Variants in NUDT5 observed in about 807,000 individuals in gnomAD.
NUDT5 encodes ADP-sugar pyrophosphatase.
NUDT5 carries 21 observed loss-of-function variants against 34.1 expected under a neutral mutation model. The ratio of observed to expected loss-of-function variants is 0.62; its 90% CI spans 0.44 to 0.89. The LOEUF (loss-of-function observed/expected upper bound fraction) is 0.89, where lower values mean the gene tolerates loss of function less well. Among genes scored for constraint, NUDT5 ranks in the 40% least tolerant of loss-of-function variants. The pLI, the probability that NUDT5 is intolerant of heterozygous loss-of-function variation, is 0.00. For missense variants in NUDT5, 249 were observed against 274.8 expected (o/e 0.91, Z 0.66); for synonymous variants, 85 against 97.6 (o/e 0.87, Z 0.76).
chr10:12,167,203 A>AGTTGAAT lies in NUDT5; in HGVS notation c.*498_*499insATTCAAC, dbSNP rs1834721455. 1 of 159,574 alleles carries AGTTGAAT rather than the reference A, an allele frequency of 6.3e-6. No individual in the cohort carries two copies. The highest frequency in any genetic ancestry group is 6.0e-5 in the Admixed American group (1 of 16,800). 9.9% of individuals were successfully genotyped at this position (159,574 alleles called of 1,614,324 possible). On this transcript the variant is annotated 3_prime_UTR_variant, in exon 10 of 10. Coordinates refer to ENST00000491614, the MANE Select transcript of NUDT5 (RefSeq NM_014142.4). The stretch of plus-strand genomic sequence containing the variant: ...AACCCTACCCTAGTTGGATTCAACT[A>AGTTGAAT]CCCTAGATAAATTTTGCATAGTAAA...
chr10:12,178,786 C>G (rs1588658360), intron 4 of NUDT5, among the ~76,000 whole-genome samples: 1 of 152,192 alleles, frequency 6.6e-6, no homozygotes, highest in African/African-American at 2.4e-5. Flanking sequence ...GACACAAGGA[C>G]TTCTAGAAGT....
In NUDT5 at chr10:12,187,446, T is replaced by C. The variant is rs1451520570; in HGVS notation, c.-41-1114A>G. ...AAGAGCAGGCCCTTATCCCATTTAT[T>C]GTATATTATTATTTCCTCTTTCTTT... On this transcript the variant is annotated intron_variant, in intron 1 of 9. Transcript: ENST00000491614. This position sits in a 1 kb window ranked among gnomAD's most constrained non-coding sequence, Gnocchi z 5.4. Among the ~76,000 whole-genome samples the C allele has an allele frequency of 6.6e-6, 1 of 152,224 alleles. No individual in the cohort carries two copies. Among genetic ancestry groups the C allele is most frequent in the Non-Finnish European group, 1.5e-5 (1 of 68,040 alleles).
In NUDT5 at chr10:12,173,958, T is replaced by G. The variant is rs897367114; in HGVS notation, c.290-145A>C. 2 of 634,324 alleles carry G rather than the reference T, an allele frequency of 3.2e-6. No homozygotes were observed. The highest frequency in any genetic ancestry group is 5.7e-6 in the Non-Finnish European group (2 of 352,162). The allele number at this position is 634,324 out of a possible 1,614,324, so 39.3% of individuals were successfully genotyped here. On this transcript the variant is annotated intron_variant, in intron 5 of 9. Transcript: ENST00000491614. This position sits in a 1 kb window ranked among gnomAD's most constrained non-coding sequence, Gnocchi z 4.7. ...CTCGGCCCACTGCAACCTCCGCCCGTCCAGGTTTAAGCAATTCTCTGCTTC... is the reference window on the plus strand; with the variant it reads ...CTCGGCCCACTGCAACCTCCGCCCGGCCAGGTTTAAGCAATTCTCTGCTTC...
Position 12,169,736 on chromosome 10 carries a change from T to A in NUDT5, c.550+981A>T, listed in dbSNP as rs1046689533. Reference sequence around the variant, plus strand: ...TCACAGCAGCCTTTGAAAGACACATTCAGATTTTCAAACAAACAACAGACA... The same window carrying A: ...TCACAGCAGCCTTTGAAAGACACATACAGATTTTCAAACAAACAACAGACA... On this transcript the variant is annotated intron_variant, in intron 9 of 9. Coordinates refer to ENST00000491614, the MANE Select transcript of NUDT5 (RefSeq NM_014142.4). The surrounding 1 kb of genome is among the most constrained non-coding windows in gnomAD (Gnocchi z 4.8). The A allele has an allele frequency of 2.2e-5, 5 of 223,126 alleles. No homozygotes were observed. The South Asian group carries it at 4.1e-4, about 18-fold the overall frequency. 13.8% of individuals were successfully genotyped at this position (223,126 alleles called of 1,614,324 possible). A position where few individuals can be genotyped will look rare whatever the true frequency, so the allele number is the denominator to read the frequency against.
intron 1 of NUDT5, among the ~76,000 whole-genome samples, chr10:12,186,917 G>A (rs1357041377): frequency 3.3e-5 from 5 of 152,000 alleles, no homozygotes; most frequent in Admixed American, 6.6e-5. Context: ...GTGAGCTACC[G>A]CGCCCAGCCT....
rs1835329937 is a variant in NUDT5, at chr10:12,195,810, C to G, written c.-82G>C. 1 of 220,386 alleles carries G rather than the reference C, an allele frequency of 4.5e-6. No individual in the cohort carries two copies. Among genetic ancestry groups the G allele is most frequent in the Admixed American group, 5.3e-5 (1 of 18,902 alleles). The allele number at this position is 220,386 out of a possible 1,614,324, so 13.7% of individuals were successfully genotyped here. A position where few individuals can be genotyped will look rare whatever the true frequency, so the allele number is the denominator to read the frequency against. The stretch of plus-strand genomic sequence containing the variant: ...TGAAGAACGGAAGAGGACGAAATAA[C>G]TAGCTGGAGGCAGCAGTGTCAGCCG... On this transcript the variant is annotated 5_prime_UTR_variant, in exon 1 of 10. Coordinates refer to ENST00000491614, the MANE Select transcript of NUDT5 (RefSeq NM_014142.4).
rs181432704 is a variant in NUDT5, at chr10:12,175,489, T to C, written c.290-1676A>G. On this transcript the variant is annotated intron_variant, in intron 5 of 9. Transcript: ENST00000491614. This position sits in a 1 kb window ranked among gnomAD's most constrained non-coding sequence, Gnocchi z 4.8. ...AGCAAAACCCCATCTCTACAAAAAA[T>C]TTAAAAATCGAATGCGGTGATGCAC... 4.1e-5 allele frequency among the ~76,000 whole-genome samples: 6 copies of C among 145,176 alleles called. No homozygotes were observed. Among genetic ancestry groups the C allele is most frequent in the Admixed American group, 3.4e-4 (5 of 14,670 alleles).
intron 1 of NUDT5, among the ~76,000 whole-genome samples, chr10:12,188,657 G>A (rs1344739115): frequency 6.6e-6 from 1 of 150,654 alleles, no homozygotes; most frequent in Non-Finnish European, 1.5e-5. Context: ...CTTGAACCCA[G>A]GAGATGGAGG....
intron 2 of NUDT5, among the ~76,000 whole-genome samples, chr10:12,185,438 G>A (rs1835110038): frequency 6.6e-6 from 1 of 152,228 alleles, no homozygotes; most frequent in Admixed American, 6.5e-5. Context: ...TCCAGGATTG[G>A]ATCTCCTATC....
At chr10:12,190,003 C>T (rs770722146) in intron 1 of NUDT5, among the ~76,000 whole-genome samples, 8 of 151,908 alleles carry the variant, frequency 5.3e-5, no homozygotes, top group Non-Finnish European at 8.8e-5. Flanking sequence ...ATGCCATTCT[C>T]CTGCCTCAGC....
Position 12,181,802 on chromosome 10 carries a change from G to C in NUDT5, c.132-2670C>G, listed in dbSNP as rs528241753. On this transcript the variant is annotated intron_variant, in intron 3 of 9. Coordinates refer to ENST00000491614, the MANE Select transcript of NUDT5 (RefSeq NM_014142.4). This position sits in a 1 kb window ranked among gnomAD's most constrained non-coding sequence, Gnocchi z 5.0. ...GAGACCAGCCTGGGCAACATAGTGAGACTCTGTCTCTACTAAAAAAATAAA... is the reference window on the plus strand; with the variant it reads ...GAGACCAGCCTGGGCAACATAGTGACACTCTGTCTCTACTAAAAAAATAAA... Among the ~76,000 whole-genome samples, 278 of 151,878 alleles carry C rather than the reference G, an allele frequency of 1.8e-3. No homozygotes were observed. Among genetic ancestry groups the C allele is most frequent in the African/African-American group, 6.4e-3 (267 of 41,416 alleles).
chr10:12,169,210 T>C lies in NUDT5; in HGVS notation c.551-1399A>G. The C allele has an allele frequency of 7.7e-7, 1 of 1,305,812 alleles. No individual in the cohort carries two copies. The highest frequency in any genetic ancestry group is 2.5e-5 in the East Asian group (1 of 39,474). The allele number at this position is 1,305,812 out of a possible 1,614,324, so 80.9% of individuals were successfully genotyped here. A position where few individuals can be genotyped will look rare whatever the true frequency, so the allele number is the denominator to read the frequency against. ...TCCTCCTTTATAGCCATAGTAGCCC[T>C]CTCTCCACCTCCCCTCACTTATTCT... On this transcript the variant is annotated intron_variant, in intron 9 of 9. Coordinates refer to ENST00000491614, the MANE Select transcript of NUDT5 (RefSeq NM_014142.4). The surrounding 1 kb of genome is among the most constrained non-coding windows in gnomAD (Gnocchi z 4.8).
At chr10:12,177,609 C>A (rs1287986347) in intron 5 of NUDT5, among the ~76,000 whole-genome samples, 184 bp downstream of exon 5, 2 of 152,172 alleles carry the variant, frequency 1.3e-5, no homozygotes, top group African/African-American at 4.8e-5. Context: ...GTGTCGCCTT[C>A]ACGGGTTCAG....
At chr10:12,192,222 T>G (rs930199002) in intron 1 of NUDT5, among the ~76,000 whole-genome samples, 1 of 151,712 alleles carries the variant, frequency 6.6e-6, no homozygotes, top group Non-Finnish European at 1.5e-5. Flanking sequence ...GAGAATCGCT[T>G]GAACGAGGGA....
chr10:12,180,060 C>T (rs764358350), intron 3 of NUDT5, among the ~76,000 whole-genome samples: 24 of 152,318 alleles, frequency 1.6e-4, no homozygotes, highest in Admixed American at 1.2e-3. Flanking sequence ...ACCTGCATCT[C>T]GATAGTAAGA....
rs1395128929 is a variant in NUDT5, at chr10:12,170,275, T to C, written c.550+442A>G. The stretch of plus-strand genomic sequence containing the variant: ...CATATCACACGGAGTATACAGGAAA[T>C]ACCTCAAGTATTTGTTGAAGGAGCA... On this transcript the variant is annotated intron_variant, in intron 9 of 9. Coordinates refer to ENST00000491614, the MANE Select transcript of NUDT5 (RefSeq NM_014142.4). This position sits in a 1 kb window ranked among gnomAD's most constrained non-coding sequence, Gnocchi z 4.9. 1.5e-6 allele frequency: 2 copies of C among 1,313,310 alleles called. No homozygotes were observed. The highest frequency in any genetic ancestry group is 1.4e-5 in the African/African-American group (1 of 69,000). 81.4% of individuals were successfully genotyped at this position (1,313,310 alleles called of 1,614,324 possible). A position where few individuals can be genotyped will look rare whatever the true frequency, so the allele number is the denominator to read the frequency against.
At chr10:12,191,227 C>CA (rs1418391810) in intron 1 of NUDT5, among the ~76,000 whole-genome samples, 2 of 151,884 alleles carry the variant, frequency 1.3e-5, no homozygotes, top group African/African-American at 4.8e-5. Context: ...ACTAAAAATA[C>CA]AAAAAAATTA....
chr10:12,166,281 G>A lies in NUDT5; in HGVS notation c.*1421C>T, dbSNP rs1483614524. 6.5e-6 allele frequency: 1 copy of A among 153,610 alleles called. No individual in the cohort carries two copies. The highest frequency in any genetic ancestry group is 2.4e-5 in the African/African-American group (1 of 41,446). The allele number at this position is 153,610 out of a possible 1,614,324, so 9.5% of individuals were successfully genotyped here. On this transcript the variant is annotated 3_prime_UTR_variant, in exon 10 of 10. Coordinates refer to ENST00000491614, the MANE Select transcript of NUDT5 (RefSeq NM_014142.4). Reference sequence around the variant, plus strand: ...TTGATTTCAATGATTGATAGCATGTGGCTTTCAGACCTAAGGAAGAGTTAG... The same window carrying A: ...TTGATTTCAATGATTGATAGCATGTAGCTTTCAGACCTAAGGAAGAGTTAG...
intron 1 of NUDT5, among the ~76,000 whole-genome samples, chr10:12,191,382 C>G (rs951387002): frequency 6.8e-6 from 1 of 147,038 alleles, no homozygotes; most frequent in African/African-American, 2.5e-5. Flanking sequence ...GACTCCGTCT[C>G]AAAAACAAAA....
Sources: allele counts gnomAD v4.1 joint callset (sites outside exome capture counted in the v4.1 genomes callset), GRCh38; gene constraint gnomAD v4.1.1; non-coding constraint Gnocchi (gnomAD v3.1); transcripts MANE v1.5; gene names NCBI Gene and HGNC (gene_info 2026-07-23, HGNC 2026-07-21).